The following PAGE2B variants were observed in gnomAD, a reference collection of about 807,000 sequenced individuals.
PAGE2B encodes the protein putative G antigen family E member 3.
A neutral mutation model predicts 7.6 loss-of-function variants in PAGE2B; 5 were observed. That is an observed-to-expected ratio of 0.66 (90% CI 0.34 to 1.38). The LOEUF (loss-of-function observed/expected upper bound fraction) is 1.38. Among genes scored for constraint, PAGE2B ranks in the 40% most tolerant of loss-of-function variants. The pLI is 0.04. For missense variants in PAGE2B, 70 were observed against 78.4 expected, an observed-to-expected ratio of 0.89 and a Z score of 0.41; for synonymous variants, 29 against 26.7, an observed-to-expected ratio of 1.09 and a Z score of -0.27.
upstream of PAGE2B, among the ~76,000 whole-genome samples, chrX:55,071,713 C>G (rs1400834910): frequency 8.9e-6 from 1 of 112,041 alleles, no homozygotes; most frequent in Admixed American, 9.5e-5. Context: ...GGTCTTTTCA[C>G]ATAGTCTTAT....
chrX:55,044,000 A>ATAG, the PAGE2B span, among the ~76,000 whole-genome samples: 3 of 107,581 alleles, frequency 2.8e-5, no homozygotes, highest in Admixed American at 1.0e-4. Context: ...AATAATAATA[A>ATAG]TAGATGTTGG....
chrX:55,051,901 C>G, the PAGE2B span, among the ~76,000 whole-genome samples: 11 of 111,533 alleles, frequency 9.9e-5, no homozygotes, highest in Non-Finnish European at 2.1e-4. Context: ...TTTAGAGTTT[C>G]CGGTTTTTCT....
chrX:55,077,360 G>GTTTTA (rs1936533302), intron 3 of PAGE2B, 39 bp from the exon 4 acceptor site: 1 of 1,203,179 alleles, frequency 8.3e-7, no homozygotes, highest in Non-Finnish European at 1.1e-6. Flanking sequence ...CATAGTTCAT[G>GTTTTA]TTTTAATTTG....
At chrX:55,057,944 A>G in the PAGE2B span, among the ~76,000 whole-genome samples, 1 of 111,714 alleles carries the variant, frequency 9.0e-6, no homozygotes, top group African/African-American at 3.3e-5. Flanking sequence ...GTATTTTTTA[A>G]GATATGCAGT....
chrX:55,028,262 C>T, the PAGE2B span, among the ~76,000 whole-genome samples: 4 of 110,945 alleles, frequency 3.6e-5, no homozygotes, highest in African/African-American at 9.8e-5. Context: ...GAGACCAGGG[C>T]GTGGGAGAGA....
chrX:55,050,902 C>CT, the PAGE2B span, among the ~76,000 whole-genome samples: 1 of 111,590 alleles, frequency 9.0e-6, no homozygotes, highest in Non-Finnish European at 1.9e-5. Flanking sequence ...TCTTCTTAGC[C>CT]TTGATGGTCT....
At chrX:55,052,115 A>T in the PAGE2B span, among the ~76,000 whole-genome samples, 1 of 111,901 alleles carries the variant, frequency 8.9e-6, no homozygotes, top group Admixed American at 9.5e-5. Context: ...TGGTGGCTGC[A>T]GAACAGCGGA....
the PAGE2B span, chrX:55,055,916 A>C: frequency 4.5e-5 from 5 of 112,290 alleles, no homozygotes; most frequent in African/African-American, 1.6e-4. Flanking sequence ...AAAAAAAAAA[A>C]AAAACTTCAG....
At chrX:55,072,338 T>G (rs193064300), upstream of PAGE2B, among the ~76,000 whole-genome samples, 339 of 112,455 alleles carry the variant, frequency 3.0e-3, 4 homozygotes, top group African/African-American at 0.011. Context: ...CCCATCTTCT[T>G]CAGGTCCACT....
At chrX:55,042,289 T>A in the PAGE2B span, among the ~76,000 whole-genome samples, 1 of 110,817 alleles carries the variant, frequency 9.0e-6, no homozygotes. Context: ...AAATCAAGAA[T>A]GCAACCCCTT....
the PAGE2B span, among the ~76,000 whole-genome samples, chrX:55,029,920 A>G: frequency 1.8e-5 from 2 of 110,852 alleles, no homozygotes; most frequent in African/African-American, 6.6e-5. Flanking sequence ...GCAGACAGCC[A>G]GAAAACACTC....
chrX:55,053,724 A>T, the PAGE2B span, among the ~76,000 whole-genome samples: 1 of 111,581 alleles, frequency 9.0e-6, no homozygotes, highest in Admixed American at 9.5e-5. Context: ...CTATCCTGAC[A>T]TATTTTTTCT....
At chrX:55,039,826 G>A in the PAGE2B span, among the ~76,000 whole-genome samples, 4 of 111,929 alleles carry the variant, frequency 3.6e-5, no homozygotes, top group Non-Finnish European at 7.5e-5. Context: ...GATTCAGCCC[G>A]GGGCTGGCCC....
At chrX:55,066,612 A>G in the PAGE2B span, among the ~76,000 whole-genome samples, 6 of 111,739 alleles carry the variant, frequency 5.4e-5, no homozygotes, top group South Asian at 2.2e-3. Context: ...ATGCCACTCT[A>G]TCCTGGCCTG....
the PAGE2B span, among the ~76,000 whole-genome samples, chrX:55,060,115 CT>C: frequency 9.0e-6 from 1 of 111,345 alleles, no homozygotes; most frequent in Non-Finnish European, 1.9e-5. Flanking sequence ...GCAGGTATGT[CT>C]TTGACATAGT....
upstream of PAGE2B, among the ~76,000 whole-genome samples, chrX:55,074,905 A>T (rs1244312560): frequency 8.9e-6 from 1 of 112,696 alleles, no homozygotes; most frequent in Non-Finnish European, 1.9e-5. Flanking sequence ...GCAGGAAAAC[A>T]TCAGTCACGA....
the PAGE2B span, among the ~76,000 whole-genome samples, chrX:55,040,045 C>CT: frequency 0.022 from 2,170 of 99,472 alleles, 66 homozygotes; most frequent in African/African-American, 0.073. Flanking sequence ...TCAATATTTT[C>CT]TTTTTTTTTT....
the PAGE2B span, among the ~76,000 whole-genome samples, chrX:55,064,145 T>C: frequency 9.0e-6 from 1 of 111,569 alleles, no homozygotes; most frequent in African/African-American, 3.3e-5. Context: ...TTAGTTCTTC[T>C]TTAACAGCTT....
At chrX:55,061,794 A>G in the PAGE2B span, among the ~76,000 whole-genome samples, 1 of 111,228 alleles carries the variant, frequency 9.0e-6, no homozygotes, top group Non-Finnish European at 1.9e-5. Flanking sequence ...CTCTATCTCC[A>G]TGAGTTCAAT....
Sources: allele counts gnomAD v4.1 joint callset (sites outside exome capture counted in the v4.1 genomes callset), GRCh38; gene constraint gnomAD v4.1.1; transcripts MANE v1.5; gene names NCBI Gene and HGNC (gene_info 2026-07-23, HGNC 2026-07-21).